Variants in COL6A2 observed in about 807,000 individuals in gnomAD.
COL6A2 encodes collagen alpha-2(VI) chain.
COL6A2 carries 90 observed loss-of-function variants against 124.9 expected under a neutral mutation model. The observed-to-expected ratio is 0.72, with a 90% CI of 0.61 to 0.86. The LOEUF is 0.86. Ranked by LOEUF, COL6A2 falls within the 40% of genes least tolerant of loss-of-function variation. The pLI, the probability that COL6A2 is intolerant of heterozygous loss-of-function variation, is 0.00. For synonymous variants in COL6A2, 793 were observed against 618.2 expected, an observed-to-expected ratio of 1.28 and a Z score of -4.19; for missense variants, 1,607 against 1,502.5, an observed-to-expected ratio of 1.07 and a Z score of -1.15.
Position 46,119,647 on chromosome 21 carries a change from G to A in COL6A2, c.1270-141G>A, listed in dbSNP as rs1601233560. The A allele has an allele frequency of 8.4e-6, 6 of 715,910 alleles. No individual in the cohort carries two copies. The East Asian group carries it at 1.6e-4, about 20-fold the overall frequency. The allele number at this position is 715,910 out of a possible 1,614,324, so 44.3% of individuals were successfully genotyped here. A position where few individuals can be genotyped will look rare whatever the true frequency, so the allele number is the denominator to read the frequency against. On this transcript the variant is annotated intron_variant, in intron 14 of 27. Transcript: ENST00000300527. ...CGCAGGCTGAGGCTGTTGGGAAGGA[G>A]CCTGGGGATCGAGGTCCCAGGTCCC...
At chr21:46,130,025 TGTGGGCACTAATCCCGTGCATGGTGACTC>T (rs2078740457) in intron 27 of COL6A2, among the ~76,000 whole-genome samples, 2 of 152,104 alleles carry the variant, frequency 1.3e-5, no homozygotes, top group African/African-American at 4.8e-5. Context: ...CCTCGCTGGG[TGTGGGCACTAATCCCGTGCATGGTGACTC>T]GTGGGCGCTC....
At position 46,126,523 on chromosome 21, in the gene COL6A2, G is replaced by T; in HGVS notation, c.2443G>T (p.Asp815Tyr). 1.2e-6 allele frequency: 2 copies of T among 1,613,208 alleles called. No homozygotes were observed. The highest frequency in any genetic ancestry group is 1.7e-6 in the Non-Finnish European group (2 of 1,179,690). ...TCCAGACCCTCAGATCGTGTGCCCA[G>T]ACCTTCCCTGCCAAACAGGTAATGC... ...LCPDPQIVCP[D>Y]LPCQTELSVA... is the part of the protein sequence containing the mutation. Residue 815 changes from aspartate (D) to tyrosine (Y), a missense_variant, in exon 27 of 28, where the codon GAC becomes TAC. Transcript: ENST00000300527.
At position 46,132,216 on chromosome 21, in the gene COL6A2, A is replaced by G. The variant is rs9977394; in HGVS notation, c.2724A>G (p.Thr908=). 0.11 allele frequency: 170,451 copies of G among 1,592,298 alleles called. 10,849 individuals are homozygous for G. Among genetic ancestry groups the G allele is most frequent in the African/African-American group, 0.26 (19,448 of 74,380 alleles). Residue 908 remains threonine (T), a synonymous_variant, in exon 28 of 28, where the codon ACA becomes ACG. Transcript: ENST00000300527. The part of the protein sequence containing the change: ...LTAIHEALET[T]QYLNSFSHVG... ...CCATCCACGAGGCGCTGGAGACCAC[A>G]CAATACCTGAACTCCTTCTCGCACG...
In COL6A2 at chr21:46,117,558, G is replaced by GCAGCCCAGCAGCCC. The variant is rs58873991; in HGVS notation, c.1053+130_1053+143dup. On this transcript the variant is annotated intron_variant, in intron 11 of 27. Coordinates refer to ENST00000300527, the MANE Select transcript of COL6A2 (RefSeq NM_001849.4). ...TGCAGTGGGAGCGTGGGTTCTCCCG[G>GCAGCCCAGCAGCCC]CAGCCCAGCAGCCCCAGCCCAGCAG... The GCAGCCCAGCAGCCC allele has an allele frequency of 6.4e-5, 72 of 1,123,052 alleles. No homozygotes were observed. The Middle Eastern group carries it at 1.4e-3, about 22-fold the overall frequency. 69.6% of individuals were successfully genotyped at this position (1,123,052 alleles called of 1,614,324 possible). A position where few individuals can be genotyped will look rare whatever the true frequency, so the allele number is the denominator to read the frequency against.
At chr21:46,101,369 T>C (rs2078285573) in intron 1 of COL6A2, among the ~76,000 whole-genome samples, 1 of 152,254 alleles carries the variant, frequency 6.6e-6, no homozygotes, top group Non-Finnish European at 1.5e-5. Context: ...CTTTTTACTC[T>C]GTTAATGATG....
rs776093584 is a variant in COL6A2, at chr21:46,112,278, G to T, written c.415G>T (p.Ala139Ser). 3 of 1,612,534 alleles carry T rather than the reference G, an allele frequency of 1.9e-6. No individual in the cohort carries two copies. Among genetic ancestry groups the T allele is most frequent in the East Asian group, 4.5e-5 (2 of 44,858 alleles). The change falls in exon 3 of 28, where the codon GCC (alanine) becomes TCC (serine). Residue 139 changes from alanine to serine, a missense_variant. Physicochemically the swap from Ala to Ser is moderately conservative, Grantham distance 99. Around this residue, in one of 3 missense-constraint regions of COL6A2, gnomAD observed 342 missense variants for 381.5 expected, o/e 0.90. Transcript: ENST00000300527. ...CGGCACCTTCACCGACTGCGCGCTG[G>T]CCAACATGACGGAGCAGATCCGGCA... ...RRGTFTDCALANMTEQIRQDR... is the reference protein window; with the variant it reads ...RRGTFTDCALSNMTEQIRQDR...
chr21:46,125,217 C>T (rs1231176845), intron 23 of COL6A2, 49 bp from the exon 24 acceptor site: 1 of 1,574,672 alleles, frequency 6.4e-7, no homozygotes, highest in South Asian at 1.1e-5. Context: ...GCTGTGGAAA[C>T]TCTTCTGGGG....
rs1197649495 is a variant in COL6A2 at position 46,116,424 on chromosome 21, G to C, written c.927+21G>C. ...AGAAGGTGAGGCTCTTGCCCTGACA[G>C]ACCTCAGACCTGCGCCAGCCTCGGC... On this transcript the variant is annotated intron_variant, in intron 8 of 27. Transcript: ENST00000300527. The surrounding 1 kb of genome is among the most constrained non-coding windows in gnomAD (Gnocchi z 4.6). 1 of 1,612,388 alleles carries C rather than the reference G, an allele frequency of 6.2e-7. No individual in the cohort carries two copies. The highest frequency in any genetic ancestry group is 8.5e-7 in the Non-Finnish European group (1 of 1,179,910).
chr21:46,131,849 AGG>A (rs2078764060), intron 27 of COL6A2, 103 bp from the exon 28 acceptor site: 1 of 1,064,968 alleles, frequency 9.4e-7, no homozygotes, highest in Non-Finnish European at 1.4e-6. Flanking sequence ...GTGGTCTGTG[AGG>A]TTGCAGGCAG....
Position 46,132,196 on chromosome 21 carries a change from C to T in COL6A2, c.2704C>T (p.His902Tyr), listed in dbSNP as rs773974101. 5 of 1,579,070 alleles carry T rather than the reference C, an allele frequency of 3.2e-6. No individual in the cohort carries two copies. The highest frequency in any genetic ancestry group is 2.7e-5 in the African/African-American group (2 of 73,958). Residue 902 changes from histidine (H) to tyrosine (Y), a missense_variant, in exon 28 of 28, where the codon CAC (histidine) becomes TAC (tyrosine). By Grantham distance (83) the His-to-Tyr change is moderately conservative (BLOSUM62 2). Coordinates refer to ENST00000300527, the MANE Select transcript of COL6A2 (RefSeq NM_001849.4). ...FPLSHNLTAI[H>Y]EALETTQYLN... Reference sequence around the variant, plus strand: ...GCTGAGCCACAACCTCACGGCCATCCACGAGGCGCTGGAGACCACACAATA... The same window carrying T: ...GCTGAGCCACAACCTCACGGCCATCTACGAGGCGCTGGAGACCACACAATA...
At chr21:46,129,795 AACTC>A (rs2078736776) in intron 27 of COL6A2, 9 of 1,239,602 alleles carry the variant, frequency 7.3e-6, no homozygotes, top group Non-Finnish European at 9.1e-6. Context: ...CAAGACCCTT[AACTC>A]ACTCCCGTCT....
chr21:46,116,392 A>G lies in COL6A2; in HGVS notation c.916A>G (p.Lys306Glu). Reference protein sequence around the residue: ...FPGPKGVPGFKGEKGEFGADG... With the variant: ...FPGPKGVPGFEGEKGEFGADG... ...CTGCCCCCAGGGCGTTCCTGGCTTC[A>G]AAGGAGAGAAGGTGAGGCTCTTGCC... Residue 306 changes from lysine to glutamate, a missense_variant, in exon 8 of 28, where the codon AAA (lysine) becomes GAA (glutamate). Lys to Glu is a moderately conservative substitution (Grantham distance 56). Coordinates refer to ENST00000300527, the MANE Select transcript of COL6A2 (RefSeq NM_001849.4). This position sits in a 1 kb window ranked among gnomAD's most constrained non-coding sequence, Gnocchi z 4.6. 6.2e-7 allele frequency: 1 copy of G among 1,612,802 alleles called. No homozygotes were observed. The highest frequency in any genetic ancestry group is 8.5e-7 in the Non-Finnish European group (1 of 1,179,944).
chr21:46,115,848 A>G, intron 5 of COL6A2, 24 bp from the exon 6 acceptor site: 1 of 1,612,014 alleles, frequency 6.2e-7, no homozygotes, highest in Non-Finnish European at 8.5e-7. Context: ...CCCTGCCTCG[A>G]TGTACTCTTT....
chr21:46,108,192 T>C (rs1316202035), intron 1 of COL6A2, among the ~76,000 whole-genome samples: 1 of 152,162 alleles, frequency 6.6e-6, no homozygotes, highest in Non-Finnish European at 1.5e-5. Context: ...GTTTTGTCTC[T>C]TCTTTTCCAA....
chr21:46,122,980 C>A (rs1051758907), intron 21 of COL6A2, 43 bp downstream of exon 21: 1 of 1,581,984 alleles, frequency 6.3e-7, no homozygotes, highest in Non-Finnish European at 8.7e-7. Flanking sequence ...TGGGCAGAGG[C>A]AGGGAGGGGC....
intron 21 of COL6A2, among the ~76,000 whole-genome samples, chr21:46,124,070 CGATG>C (rs2078617601): frequency 8.5e-6 from 1 of 117,042 alleles, no homozygotes; most frequent in South Asian, 3.0e-4. Flanking sequence ...ACGGATGGAC[CGATG>C]GATGAATGGG....
chr21:46,111,956 G>T, intron 2 of COL6A2, 23 bp from the exon 3 acceptor site: 1 of 1,606,706 alleles, frequency 6.2e-7, no homozygotes, highest in Non-Finnish European at 8.5e-7. Context: ...AGGCTGGCTC[G>T]TGACAGGTCC....
intron 26 of COL6A2, 86 bp from the exon 27 acceptor site, chr21:46,126,417 G>A (rs2078668913): frequency 2.7e-5 from 42 of 1,583,036 alleles, no homozygotes; most frequent in South Asian, 2.1e-4. Flanking sequence ...TGCACCCTGA[G>A]CCTGTCTAGG....
At chr21:46,119,700 AG>A in intron 14 of COL6A2, 87 bp from the exon 15 acceptor site, 1 of 1,209,832 alleles carries the variant, frequency 8.3e-7, no homozygotes, top group Non-Finnish European at 1.2e-6. Context: ...GTAGAGAAGG[AG>A]CATCGGCCCC....
Sources: gnomAD v4.1 joint callset for allele counts (sites outside exome capture counted in the v4.1 genomes callset) on GRCh38, gnomAD v4.1.1 for gene constraint, gnomAD v4.1.1 regional missense constraint, Gnocchi (gnomAD v3.1) non-coding constraint, MANE v1.5 for transcripts, NCBI Gene and HGNC (gene_info 2026-07-23, HGNC 2026-07-21) for gene names.